The following TM9SF2 variants were observed in gnomAD, a reference collection of about 807,000 sequenced individuals.
TM9SF2 encodes the protein 76 kDa membrane protein.
In TM9SF2, 13 loss-of-function variants were observed where a neutral mutation model predicts 84.9. The ratio of observed to expected loss-of-function variants is 0.15; its 90% CI spans 0.10 to 0.24. The LOEUF (loss-of-function observed/expected upper bound fraction) is 0.24. TM9SF2 is among the 10% of genes least tolerant of loss of function. TM9SF2 has a pLI of 1.00. For synonymous variants in TM9SF2, 273 were observed against 285.8 expected, an observed-to-expected ratio of 0.96 and a Z score of 0.45; for missense variants, 562 against 818.5, an observed-to-expected ratio of 0.69 and a Z score of 3.82.
At chr13:99,557,338 A>G (rs919253730) in intron 15 of TM9SF2, among the ~76,000 whole-genome samples, 1 of 152,172 alleles carries the variant, frequency 6.6e-6, no homozygotes, top group Admixed American at 6.5e-5. Context: ...TCTTTGGAGA[A>G]ATAGCTATTC....
intron 13 of TM9SF2, among the ~76,000 whole-genome samples, chr13:99,552,785 G>T (rs1055785210): frequency 6.6e-6 from 1 of 152,178 alleles, no homozygotes; most frequent in Non-Finnish European, 1.5e-5. Flanking sequence ...TGTATTTTTA[G>T]TGGAGACAAG....
At chr13:99,504,777 A>G (rs1170523317) in intron 1 of TM9SF2, among the ~76,000 whole-genome samples, 1 of 151,924 alleles carries the variant, frequency 6.6e-6, no homozygotes, top group Non-Finnish European at 1.5e-5. Context: ...TTTTTAACTT[A>G]TTTTACATGT....
intron 1 of TM9SF2, among the ~76,000 whole-genome samples, chr13:99,505,788 G>T (rs1005578416): frequency 2.0e-5 from 3 of 152,186 alleles, no homozygotes; most frequent in Non-Finnish European, 4.4e-5. Context: ...GTGGCATTCT[G>T]ATGGCTAAGA....
At position 99,512,697 on chromosome 13, in the gene TM9SF2, G is replaced by A. The variant is rs542637088; in HGVS notation, c.172-4917G>A. On this transcript the variant is annotated intron_variant, in intron 1 of 16. Transcript: ENST00000376387. Reference sequence around the variant, plus strand: ...TAGAGTTACTGGAAGATTTGCTGTAGTTTTAGAAGGAGCCAATGAGTTTGA... The same window carrying A: ...TAGAGTTACTGGAAGATTTGCTGTAATTTTAGAAGGAGCCAATGAGTTTGA... 3.3e-5 allele frequency among the ~76,000 whole-genome samples: 5 copies of A among 152,202 alleles called. No homozygotes were observed. The South Asian group carries it at 8.3e-4, about 25-fold the overall frequency.
chr13:99,548,552 A>T (rs1033819939), intron 11 of TM9SF2, among the ~76,000 whole-genome samples: 5 of 152,174 alleles, frequency 3.3e-5, no homozygotes, highest in Non-Finnish European at 7.3e-5. Flanking sequence ...TAGCTACTTC[A>T]GTATTTGAAT....
chr13:99,519,934 C>A, intron 2 of TM9SF2, 102 bp from the exon 3 acceptor site: 1 of 914,942 alleles, frequency 1.1e-6, no homozygotes, highest in Non-Finnish European at 1.7e-6. Flanking sequence ...TCTACTAGAG[C>A]TGCTACAATG....
intron 14 of TM9SF2, among the ~76,000 whole-genome samples, chr13:99,555,243 C>T (rs1472181824): frequency 6.6e-6 from 1 of 152,190 alleles, no homozygotes; most frequent in Non-Finnish European, 1.5e-5. Context: ...TTTTCAGTCA[C>T]TTTTTATCAA....
intron 16 of TM9SF2, 115 bp from the exon 17 acceptor site, chr13:99,562,576 A>G: frequency 1.2e-6 from 1 of 850,600 alleles, no homozygotes; most frequent in Admixed American, 2.4e-5. Context: ...CCCGGTGGGT[A>G]ATAGTTTATA....
chr13:99,552,424 A>T, intron 13 of TM9SF2, 98 bp downstream of exon 13: 1 of 1,217,714 alleles, frequency 8.2e-7, no homozygotes, highest in Non-Finnish European at 1.1e-6. Flanking sequence ...AAAGATGTAA[A>T]CTTGTCCTTT....
chr13:99,552,964 TGAAATAAATTGTATCTGCTG>T (rs1292720894), intron 13 of TM9SF2, among the ~76,000 whole-genome samples: 1 of 152,184 alleles, frequency 6.6e-6, no homozygotes, highest in East Asian at 1.9e-4. Flanking sequence ...TATGTAGCTT[TGAAATAAATTGTATCTGCTG>T]GAAATAAATT....
intron 4 of TM9SF2, among the ~76,000 whole-genome samples, chr13:99,535,283 T>C (rs1245278713): frequency 6.6e-6 from 1 of 152,230 alleles, no homozygotes; most frequent in Non-Finnish European, 1.5e-5. Context: ...GATGTTGGCT[T>C]TTATAAAACC....
chr13:99,527,165 A>G (rs1315224817), intron 3 of TM9SF2, among the ~76,000 whole-genome samples: 1 of 152,172 alleles, frequency 6.6e-6, no homozygotes, highest in African/African-American at 2.4e-5. Flanking sequence ...GAAGGATGAC[A>G]TGGAAATCCT....
intron 15 of TM9SF2, among the ~76,000 whole-genome samples, chr13:99,555,863 T>C (rs1401027065): frequency 6.6e-6 from 1 of 152,232 alleles, no homozygotes; most frequent in African/African-American, 2.4e-5. Flanking sequence ...TTTAACTTGT[T>C]AATTTTCTGA....
At position 99,505,435 on chromosome 13, in the gene TM9SF2, G is replaced by A. The variant is rs910001437; in HGVS notation, c.171+3658G>A. 1.3e-4 allele frequency among the ~76,000 whole-genome samples: 20 copies of A among 152,320 alleles called. No individual in the cohort carries two copies. The East Asian group carries it at 2.1e-3, about 16-fold the overall frequency. ...CTCCCAAAGTGTTGGGATTGTAGGCGTGAGCCACCACGCCCAGCCTGTACA... is the reference window on the plus strand; with the variant it reads ...CTCCCAAAGTGTTGGGATTGTAGGCATGAGCCACCACGCCCAGCCTGTACA... On this transcript the variant is annotated intron_variant, in intron 1 of 16. Transcript: ENST00000376387.
At chr13:99,543,164 A>ATCTT (rs2046268098) in intron 9 of TM9SF2, among the ~76,000 whole-genome samples, 1 of 152,134 alleles carries the variant, frequency 6.6e-6, no homozygotes, top group African/African-American at 2.4e-5. Flanking sequence ...CCTCCCTCCG[A>ATCTT]TCTTTACAAA....
chr13:99,515,804 C>T (rs953243652), intron 1 of TM9SF2, among the ~76,000 whole-genome samples: 13 of 146,806 alleles, frequency 8.9e-5, no homozygotes, highest in Non-Finnish European at 1.6e-4. Context: ...GTGATCTTGG[C>T]TCACTGCAAC....
chr13:99,558,165 T>C (rs1253245297), intron 15 of TM9SF2, among the ~76,000 whole-genome samples: 1 of 152,260 alleles, frequency 6.6e-6, no homozygotes, highest in Non-Finnish European at 1.5e-5. Context: ...CTCTCAATAC[T>C]ATTCCAGTGG....
chr13:99,558,303 C>T lies in TM9SF2; in HGVS notation c.1753-1060C>T, dbSNP rs2046332210. Among the ~76,000 whole-genome samples, 5 of 152,294 alleles carry T rather than the reference C, an allele frequency of 3.3e-5. No homozygotes were observed. The South Asian group carries it at 1.0e-3, about 32-fold the overall frequency. ...TTATGATTGTTTTGACTATTTGGAG[C>T]CCCTTGCAATTCCATTTGAATTTGA... On this transcript the variant is annotated intron_variant, in intron 15 of 16. Transcript: ENST00000376387.
chr13:99,529,565 A>G lies in TM9SF2; in HGVS notation c.432A>G (p.Lys144=), dbSNP rs942090016. 26 of 1,587,216 alleles carry G rather than the reference A, an allele frequency of 1.6e-5. No homozygotes were observed. The highest frequency in any genetic ancestry group is 2.3e-5 in the East Asian group (1 of 43,204). The change falls in exon 4 of 17, where the codon AAA becomes AAG. Residue 144 remains lysine, a synonymous_variant. Transcript: ENST00000376387. ...AACAAAAGTTAGAATTCTTGAAAAA[A>G]AGCATGTTATTGAATTATCAACATC... The part of the protein sequence containing the change: ...EDKQKLEFLK[K]SMLLNYQHHW...
Sources: allele counts gnomAD v4.1 joint callset (sites outside exome capture counted in the v4.1 genomes callset), GRCh38; gene constraint gnomAD v4.1.1; transcripts MANE v1.5; gene names NCBI Gene and HGNC (gene_info 2026-07-23, HGNC 2026-07-21).